The following OR1D2 variants were observed in gnomAD, a reference collection of about 807,000 sequenced individuals.
OR1D2 encodes the protein olfactory receptor family 1 subfamily D member 2, also known as olfactory receptor 1D2.
For missense variants in OR1D2, 357 were observed against 376.1 expected, an observed-to-expected ratio of 0.95 and a Z score of 0.42; for synonymous variants, 157 against 153.9, an observed-to-expected ratio of 1.02 and a Z score of -0.15.
At position 3,091,430 on chromosome 17, in the gene OR1D2, C is replaced by T. The variant is rs757125430; in HGVS notation, c.*628G>A. Reference sequence around the variant, plus strand: ...TTTATTTTTTAATCAGTATGTTGAACATTACTTTTTAATTGATGAGTTAGG... The same window carrying T: ...TTTATTTTTTAATCAGTATGTTGAATATTACTTTTTAATTGATGAGTTAGG... On this transcript the variant is annotated 3_prime_UTR_variant, in exon 2 of 2. Coordinates refer to ENST00000641833, the MANE Select transcript of OR1D2 (RefSeq NM_002548.3). The T allele has an allele frequency of 6.7e-6, 1 of 149,648 alleles. No individual in the cohort carries two copies. Among genetic ancestry groups the T allele is most frequent in the Non-Finnish European group, 1.5e-5 (1 of 68,042 alleles). The allele number at this position is 149,648 out of a possible 1,614,324, so 9.3% of individuals were successfully genotyped here. A position where few individuals can be genotyped will look rare whatever the true frequency, so the allele number is the denominator to read the frequency against.
intron 1 of OR1D2, among the ~76,000 whole-genome samples, chr17:3,098,574 C>T (rs1482130208): frequency 6.6e-6 from 1 of 152,138 alleles, no homozygotes; most frequent in African/African-American, 2.4e-5. Flanking sequence ...ACAACAACAA[C>T]AACAACAACA....
chr17:3,098,538 A>G (rs1016589717), intron 1 of OR1D2, among the ~76,000 whole-genome samples: 1 of 152,206 alleles, frequency 6.6e-6, no homozygotes, highest in African/African-American at 2.4e-5. Context: ...AAAGATCCAA[A>G]CTAGACAAAC....
chr17:3,091,949 G>T lies in OR1D2; in HGVS notation c.*109C>A. 1 of 819,828 alleles carries T rather than the reference G, an allele frequency of 1.2e-6. No homozygotes were observed. Among genetic ancestry groups the T allele is most frequent in the Non-Finnish European group, 2.0e-6 (1 of 504,782 alleles). 50.8% of individuals were successfully genotyped at this position (819,828 alleles called of 1,614,324 possible). On this transcript the variant is annotated 3_prime_UTR_variant, in exon 2 of 2. Coordinates refer to ENST00000641833, the MANE Select transcript of OR1D2 (RefSeq NM_002548.3). ...CACCACATATCTATATGCTGTCTCT[G>T]AGCTGGAGCCATGTCCCAATCACTG...
chr17:3,095,463 AAC>A (rs1470870292), intron 1 of OR1D2, among the ~76,000 whole-genome samples: 1 of 152,146 alleles, frequency 6.6e-6, no homozygotes, highest in Non-Finnish European at 1.5e-5. Context: ...GGTGAACAAA[AAC>A]ACAGAAAATT....
chr17:3,100,148 T>G (rs1469890968), intron 1 of OR1D2, among the ~76,000 whole-genome samples: 3 of 152,164 alleles, frequency 2.0e-5, no homozygotes, highest in Non-Finnish European at 4.4e-5. Context: ...ATAACAAAGA[T>G]ATTCAGGACT....
intron 1 of OR1D2, among the ~76,000 whole-genome samples, chr17:3,096,315 C>T (rs189457727): frequency 6.6e-6 from 1 of 152,242 alleles, no homozygotes; most frequent in East Asian, 1.9e-4. Flanking sequence ...AAACATGATT[C>T]ATTTATATGC....
rs199998563 is a variant in OR1D2 at position 3,092,175 on chromosome 17, T to C, written c.822A>G (p.Thr274=). 1.2e-6 allele frequency: 2 copies of C among 1,614,070 alleles called. No individual in the cohort carries two copies. ...HTYSVKDSVA[T]VMYAVVTPMM... The stretch of plus-strand genomic sequence containing the variant: ...TGGGTGTCACCACAGCATACATCAC[T>C]GTGGCTACTGAGTCCTTCACAGAGT... Residue 274 remains threonine (T), a synonymous_variant, in exon 2 of 2, where the codon ACA becomes ACG. Coordinates refer to ENST00000641833, the MANE Select transcript of OR1D2 (RefSeq NM_002548.3).
In OR1D2 at chr17:3,102,966, C is replaced by T. The variant is rs111453218; in HGVS notation, c.-51+1133G>A. ...GCAGCTGGACCCCACTCTGTCTGTCCGGAATGGTCCAGGATGTCAGGGTGG... is the reference window on the plus strand; with the variant it reads ...GCAGCTGGACCCCACTCTGTCTGTCTGGAATGGTCCAGGATGTCAGGGTGG... On this transcript the variant is annotated intron_variant, in intron 1 of 1. Coordinates refer to ENST00000641833, the MANE Select transcript of OR1D2 (RefSeq NM_002548.3). 4.2e-3 allele frequency among the ~76,000 whole-genome samples: 637 copies of T among 152,220 alleles called. 3 individuals are homozygous for T. The highest frequency in any genetic ancestry group is 0.014 in the African/African-American group (602 of 41,524).
chr17:3,092,722 A>G lies in OR1D2; in HGVS notation c.275T>C (p.Ile92Thr). Residue 92 changes from isoleucine (I) to threonine (T), a missense_variant, in exon 2 of 2, where the codon ATC (isoleucine) becomes ACC (threonine). Transcript: ENST00000641833. ...LVNLQSHNKA[I>T]SYAGCLTQLY... ...CTGTGTCAGACACCCTGCATAGGAG[A>G]TGGCTTTGTTATGGGACTGGAGGTT... 1 of 1,614,012 alleles carries G rather than the reference A, an allele frequency of 6.2e-7. No individual in the cohort carries two copies. The highest frequency in any genetic ancestry group is 1.1e-5 in the South Asian group (1 of 91,060).
rs1357215654 is a variant in OR1D2 at position 3,091,749 on chromosome 17, C to G, written c.*309G>C. 1 of 244,922 alleles carries G rather than the reference C, an allele frequency of 4.1e-6. No homozygotes were observed. Among genetic ancestry groups the G allele is most frequent in the African/African-American group, 2.2e-5 (1 of 45,116 alleles). The allele number at this position is 244,922 out of a possible 1,614,324, so 15.2% of individuals were successfully genotyped here. A position where few individuals can be genotyped will look rare whatever the true frequency, so the allele number is the denominator to read the frequency against. ...CTTTGGATGTGTGCTAGATGAGAGA[C>G]ACTTCTAGGTTTAAACTGGATATAG... On this transcript the variant is annotated 3_prime_UTR_variant, in exon 2 of 2. Coordinates refer to ENST00000641833, the MANE Select transcript of OR1D2 (RefSeq NM_002548.3).
Position 3,090,567 on chromosome 17 carries a change from A to T in OR1D2, c.*1491T>A, listed in dbSNP as rs1295494639. 2.0e-5 allele frequency: 3 copies of T among 152,216 alleles called. No homozygotes were observed. The highest frequency in any genetic ancestry group is 2.0e-4 in the Admixed American group (3 of 15,280). 9.4% of individuals were successfully genotyped at this position (152,216 alleles called of 1,614,324 possible). ...TGTTTGCACATTTGAAGAAGCAGTC[A>T]TCTCTTTTAGTCTTTACAGGCTGGT... On this transcript the variant is annotated 3_prime_UTR_variant, in exon 2 of 2. Transcript: ENST00000641833.
In OR1D2 at chr17:3,092,620, A is replaced by G. The variant is rs748472777; in HGVS notation, c.377T>C (p.Ile126Thr). 5 of 1,613,992 alleles carry G rather than the reference A, an allele frequency of 3.1e-6. No individual in the cohort carries two copies. Among genetic ancestry groups the G allele is most frequent in the South Asian group, 1.1e-5 (1 of 91,064 alleles). Residue 126 changes from isoleucine (I) to threonine (T), a missense_variant, in exon 2 of 2, where the codon ATC becomes ACC. Physicochemically the swap from Ile to Thr is moderately conservative, Grantham distance 89. Coordinates refer to ENST00000641833, the MANE Select transcript of OR1D2 (RefSeq NM_002548.3). ...AVMAYDRYVAICCPLHYTTAM... is the reference protein window; with the variant it reads ...AVMAYDRYVATCCPLHYTTAM... ...TGTGGTGTAGTGGAGGGGGCAGCAG[A>G]TGGCCACATAGCGGTCATATGCCAT...
chr17:3,101,383 A>C lies in OR1D2; in HGVS notation c.-51+2716T>G, dbSNP rs1416886304. On this transcript the variant is annotated intron_variant, in intron 1 of 1. Transcript: ENST00000641833. The stretch of plus-strand genomic sequence containing the variant: ...CTGGTTCAACATACATAAATCAATA[A>C]ACATAATCCATTACATAAAGAAAAC... Among the ~76,000 whole-genome samples the C allele has an allele frequency of 2.0e-5, 3 of 151,948 alleles. No homozygotes were observed. In the East Asian group the frequency reaches 5.8e-4, roughly 29 times the overall value.
At chr17:3,099,422 A>G (rs2047864623) in intron 1 of OR1D2, among the ~76,000 whole-genome samples, 2 of 152,198 alleles carry the variant, frequency 1.3e-5, no homozygotes, top group Admixed American at 6.5e-5. Flanking sequence ...TATCCTGCCA[A>G]ACTAAGCTTC....
In OR1D2 at chr17:3,092,536, A is replaced by C. The variant is rs369318993; in HGVS notation, c.461T>G (p.Leu154Arg). Residue 154 changes from leucine (L) to arginine (R), a missense_variant, in exon 2 of 2, where the codon CTC (leucine) becomes CGC (arginine). By Grantham distance (102) the Leu-to-Arg change is moderately radical. Coordinates refer to ENST00000641833, the MANE Select transcript of OR1D2 (RefSeq NM_002548.3). Reference protein sequence around the residue: ...LLSLCWVLSVLYGLIHTLLMT... With the variant: ...LLSLCWVLSVRYGLIHTLLMT... Reference sequence around the variant, plus strand: ...GAGGAGGGTGTGTATGAGGCCATAGAGGACGGATAGGACCCAACACAAGGA... The same window carrying C: ...GAGGAGGGTGTGTATGAGGCCATAGCGGACGGATAGGACCCAACACAAGGA... 3.1e-6 allele frequency: 5 copies of C among 1,614,046 alleles called. No individual in the cohort carries two copies. Among genetic ancestry groups the C allele is most frequent in the Non-Finnish European group, 4.2e-6 (5 of 1,180,040 alleles).
rs2047799230 is a variant in OR1D2, at chr17:3,090,342, A to G, written c.*1716T>C. The G allele has an allele frequency of 6.6e-6, 1 of 152,038 alleles. No homozygotes were observed. Among genetic ancestry groups the G allele is most frequent in the South Asian group, 2.1e-4 (1 of 4,826 alleles). The allele number at this position is 152,038 out of a possible 1,614,324, so 9.4% of individuals were successfully genotyped here. A position where few individuals can be genotyped will look rare whatever the true frequency, so the allele number is the denominator to read the frequency against. On this transcript the variant is annotated 3_prime_UTR_variant, in exon 2 of 2. Coordinates refer to ENST00000641833, the MANE Select transcript of OR1D2 (RefSeq NM_002548.3). ...GTTTGTTGAAATTTACATTTTATTT[A>G]TGTATTGATTTCCTGATTTTGTTTA...
At chr17:3,094,258 G>A (rs1004680463) in intron 1 of OR1D2, among the ~76,000 whole-genome samples, 1 of 151,972 alleles carries the variant, frequency 6.6e-6, no homozygotes, top group Non-Finnish European at 1.5e-5. Flanking sequence ...GGACTAGTTC[G>A]AACAATATTT....
rs2151709426 is a variant in OR1D2, at chr17:3,104,222, C to T, written c.-174G>A. ...AGAATGCATTATTTTCTGAATAGGT[C>T]TTGGAGACTCATCCTATTGGCTAAA... On this transcript the variant is annotated 5_prime_UTR_variant, in exon 1 of 2. Coordinates refer to ENST00000641833, the MANE Select transcript of OR1D2 (RefSeq NM_002548.3). The T allele has an allele frequency of 6.6e-6, 1 of 152,280 alleles. No individual in the cohort carries two copies. The highest frequency in any genetic ancestry group is 1.9e-4 in the East Asian group (1 of 5,174). 9.4% of individuals were successfully genotyped at this position (152,280 alleles called of 1,614,324 possible).
chr17:3,103,658 GT>G (rs1418286818), intron 1 of OR1D2, among the ~76,000 whole-genome samples: 1 of 152,142 alleles, frequency 6.6e-6, no homozygotes, highest in Non-Finnish European at 1.5e-5. Context: ...GAACACTGAT[GT>G]GGTCAGATGG....
Sources: allele counts gnomAD v4.1 joint callset (sites outside exome capture counted in the v4.1 genomes callset), GRCh38; gene constraint gnomAD v4.1.1; transcripts MANE v1.5; gene names NCBI Gene and HGNC (gene_info 2026-07-23, HGNC 2026-07-21).